KIF5C: variants seen among roughly 807,000 people sequenced by gnomAD.
The protein encoded by KIF5C is kinesin heavy chain isoform 5C.
Under a neutral mutation model 125.2 loss-of-function variants are expected in KIF5C, and 18 were observed. The observed-to-expected ratio is 0.14, with a 90% CI of 0.10 to 0.21. KIF5C has a LOEUF of 0.21. Among genes scored for constraint, KIF5C ranks in the 10% least tolerant of loss-of-function variants. The probability of loss-of-function intolerance (pLI) is 1.00; values close to 1 mark genes in which losing one functional copy is unlikely to be tolerated. For synonymous variants in KIF5C, 405 were observed against 434.0 expected (o/e 0.93, Z 0.83); for missense variants, 780 against 1,183.8 (o/e 0.66, Z 5.01).
rs1446678266 is a variant in KIF5C at position 148,991,011 on chromosome 2, T to C, written c.1718T>C (p.Leu573Ser). The C allele has an allele frequency of 1.2e-5, 19 of 1,612,656 alleles. No homozygotes were observed. Among genetic ancestry groups the C allele is most frequent in the Non-Finnish European group, 1.6e-5 (19 of 1,179,244 alleles). The change falls in exon 16 of 26, where the codon TTG becomes TCG. Residue 573 changes from leucine (L) to serine (S), a missense_variant and splice_region_variant. Transcript: ENST00000435030. ...GIIGTNDVKT[L>S]ADVNGVIEEE... is the part of the protein sequence containing the mutation. ...GAGTGTGTCCCCTTCTTTGCTCAGT[T>C]GGCAGATGTGAATGGAGTCATTGAG...
intron 1 of KIF5C, among the ~76,000 whole-genome samples, chr2:148,918,245 G>A (rs753712110): frequency 6.6e-6 from 1 of 152,148 alleles, no homozygotes; most frequent in Non-Finnish European, 1.5e-5. Context: ...AGGCTTCAAG[G>A]CAAAGCTTGT....
At chr2:148,983,860 T>G in intron 15 of KIF5C, 94 bp downstream of exon 15, 1 of 1,339,522 alleles carries the variant, frequency 7.5e-7, no homozygotes, top group Non-Finnish European at 9.7e-7. Context: ...CTTAGCACTG[T>G]GCTTTGCATC....
At chr2:148,912,751 T>C (rs1681390142) in intron 1 of KIF5C, among the ~76,000 whole-genome samples, 1 of 152,200 alleles carries the variant, frequency 6.6e-6, no homozygotes, top group Admixed American at 6.5e-5. Context: ...ACCTGGCCTG[T>C]ATATATATTT....
At chr2:149,022,848 C>T (rs1458230824) in intron 25 of KIF5C, among the ~76,000 whole-genome samples, 1 of 152,090 alleles carries the variant, frequency 6.6e-6, no homozygotes, top group Non-Finnish European at 1.5e-5. Flanking sequence ...CACTTGAACC[C>T]GAGAGGCAGA....
chr2:148,950,235 C>T, intron 9 of KIF5C, 79 bp from the exon 10 acceptor site: 1 of 1,554,254 alleles, frequency 6.4e-7, no homozygotes, highest in South Asian at 1.2e-5. Context: ...AGCTCAGTGT[C>T]TTCATCCCTG....
rs1206686970 is a variant in KIF5C at position 148,978,930 on chromosome 2, A to G, written c.1302A>G (p.Glu434=). 13 of 1,597,250 alleles carry G rather than the reference A, an allele frequency of 8.1e-6. No individual in the cohort carries two copies. Among genetic ancestry groups the G allele is most frequent in the African/African-American group, 1.3e-5 (1 of 74,318 alleles). The change falls in exon 13 of 26, where the codon GAA becomes GAG. Residue 434 remains glutamate, a synonymous_variant. Coordinates refer to ENST00000435030, the MANE Select transcript of KIF5C (RefSeq NM_004522.3). ...ATGATGTTTCGTTTCAGGATGATGA[A>G]ATTAACCAGCAGAGCCAGCTGGCTG... ...LYRQLDDKDD[E]INQQSQLAEK... is the part of the protein sequence containing the mutation.
At chr2:148,904,037 G>C (rs1027840073) in intron 1 of KIF5C, among the ~76,000 whole-genome samples, 4 of 152,168 alleles carry the variant, frequency 2.6e-5, no homozygotes. Context: ...ATGTGCTAGA[G>C]GTATACAGAT....
chr2:148,985,509 T>A (rs1034974172), intron 15 of KIF5C, among the ~76,000 whole-genome samples: 7 of 152,172 alleles, frequency 4.6e-5, no homozygotes, highest in Non-Finnish European at 1.0e-4. Context: ...AATACCACAA[T>A]GTTTTGATCA....
chr2:148,880,451 G>A (rs538109754), intron 1 of KIF5C, among the ~76,000 whole-genome samples: 27 of 152,168 alleles, frequency 1.8e-4, no homozygotes, highest in Non-Finnish European at 2.8e-4. Flanking sequence ...TATGAATAAA[G>A]CTGCTATAAA....
At chr2:148,932,219 CT>C (rs1400852281) in intron 3 of KIF5C, among the ~76,000 whole-genome samples, 1 of 152,194 alleles carries the variant, frequency 6.6e-6, no homozygotes, top group African/African-American at 2.4e-5. Flanking sequence ...ACATTGTGAT[CT>C]TCCAAAGGCT....
intron 3 of KIF5C, among the ~76,000 whole-genome samples, chr2:148,934,669 C>G (rs1444129419): frequency 1.3e-5 from 2 of 151,872 alleles, no homozygotes; most frequent in African/African-American, 4.8e-5. Context: ...ATCACAAGCA[C>G]CCCCACACTC....
chr2:148,996,263 T>C (rs1681669985), intron 17 of KIF5C, among the ~76,000 whole-genome samples: 1 of 152,246 alleles, frequency 6.6e-6, no homozygotes, highest in Non-Finnish European at 1.5e-5. Flanking sequence ...ATTTATATCC[T>C]TTATTGTTGT....
intron 15 of KIF5C, among the ~76,000 whole-genome samples, chr2:148,988,201 T>A (rs1319073456): frequency 1.3e-5 from 2 of 152,138 alleles, no homozygotes; most frequent in Non-Finnish European, 2.9e-5. Context: ...CTGGAAACTT[T>A]TGAACATGAA....
chr2:148,919,758 A>G (rs757573346), intron 1 of KIF5C, among the ~76,000 whole-genome samples: 3 of 152,236 alleles, frequency 2.0e-5, no homozygotes, highest in Non-Finnish European at 2.9e-5. Context: ...TTTAAGGTTG[A>G]CCTAAAATAA....
chr2:148,894,217 A>G (rs1392122025), intron 1 of KIF5C, among the ~76,000 whole-genome samples: 2 of 152,242 alleles, frequency 1.3e-5, no homozygotes, highest in Non-Finnish European at 2.9e-5. Context: ...ATTATCTTCT[A>G]TCTAGTTATC....
At chr2:148,887,375 T>G (rs1300935441) in intron 1 of KIF5C, among the ~76,000 whole-genome samples, 1 of 151,968 alleles carries the variant, frequency 6.6e-6, no homozygotes, top group Non-Finnish European at 1.5e-5. Context: ...TTTTTTTTTT[T>G]GCCTTTATTT....
rs759883368 is a variant in KIF5C at position 148,991,002 on chromosome 2, T to C, written c.1717-8T>C. ...GCAACATTTGAGTGTGTCCCCTTCT[T>C]TGCTCAGTTGGCAGATGTGAATGGA... On this transcript the variant is annotated splice_region_variant and splice_polypyrimidine_tract_variant and intron_variant, in intron 15 of 25. Transcript: ENST00000435030. 10 of 1,611,592 alleles carry C rather than the reference T, an allele frequency of 6.2e-6. No individual in the cohort carries two copies. Among genetic ancestry groups the C allele is most frequent in the Non-Finnish European group, 8.5e-6 (10 of 1,178,492 alleles).
chr2:148,996,804 C>CTA (rs1302086163), intron 17 of KIF5C, among the ~76,000 whole-genome samples: 13 of 152,200 alleles, frequency 8.5e-5, no homozygotes. Context: ...TAAACGCCTA[C>CTA]CCATGGGAGG....
intron 25 of KIF5C, among the ~76,000 whole-genome samples, chr2:149,021,914 C>T (rs768960976): frequency 5.3e-5 from 8 of 152,008 alleles, no homozygotes; most frequent in Non-Finnish European, 1.0e-4. Context: ...GGCCTCCAGC[C>T]GGTGACAGGA....
Sources: gnomAD v4.1 joint callset for allele counts (sites outside exome capture counted in the v4.1 genomes callset) on GRCh38, gnomAD v4.1.1 for gene constraint, MANE v1.5 for transcripts, NCBI Gene and HGNC (gene_info 2026-07-23, HGNC 2026-07-21) for gene names.